The following MBD2 variants were observed in gnomAD, a reference collection of about 807,000 sequenced individuals.
MBD2 encodes methyl-CpG binding domain protein 2, also known as methyl-CpG-binding domain protein 2.
MBD2 carries 9 observed loss-of-function variants against 39.3 expected under a neutral mutation model. The ratio of observed to expected loss-of-function variants is 0.23; its 90% CI spans 0.14 to 0.40. The LOEUF is 0.40. MBD2 is among the 10% of genes least tolerant of loss of function. MBD2 has a pLI of 1.00. For synonymous variants in MBD2, 233 were observed against 211.1 expected, an observed-to-expected ratio of 1.10 and a Z score of -0.90; for missense variants, 458 against 532.6, an observed-to-expected ratio of 0.86 and a Z score of 1.38.
intron 1 of MBD2, among the ~76,000 whole-genome samples, chr18:54,205,977 C>T (rs762534719): frequency 1.3e-5 from 2 of 152,024 alleles, no homozygotes; most frequent in African/African-American, 4.8e-5. Flanking sequence ...CACACACACA[C>T]ACACACAAAT....
chr18:54,224,600 C>A lies in MBD2; in HGVS notation c.-41G>T. 8.2e-7 allele frequency: 1 copy of A among 1,217,622 alleles called. No homozygotes were observed. The highest frequency in any genetic ancestry group is 4.2e-5 in the South Asian group (1 of 24,090). The allele number at this position is 1,217,622 out of a possible 1,614,324, so 75.4% of individuals were successfully genotyped here. A position where few individuals can be genotyped will look rare whatever the true frequency, so the allele number is the denominator to read the frequency against. ...GCCGGCGCTGCGCTTCTTCCGTAAC[C>A]GAGCCCTTGGAATCCCGGAGACCCG... On this transcript the variant is annotated 5_prime_UTR_variant, in exon 1 of 7. Coordinates refer to ENST00000256429, the MANE Select transcript of MBD2 (RefSeq NM_003927.5).
chr18:54,158,927 C>T (rs1307871504), intron 6 of MBD2, among the ~76,000 whole-genome samples: 1 of 152,150 alleles, frequency 6.6e-6, no homozygotes, highest in African/African-American at 2.4e-5. Flanking sequence ...CAAACCCAGC[C>T]TAAAAATGTG....
rs995825305 is a variant in MBD2, at chr18:54,154,368, C to T, written c.*956G>A. 2.6e-5 allele frequency: 4 copies of T among 152,146 alleles called. No individual in the cohort carries two copies. The highest frequency in any genetic ancestry group is 9.7e-5 in the African/African-American group (4 of 41,418). 9.4% of individuals were successfully genotyped at this position (152,146 alleles called of 1,614,324 possible). A position where few individuals can be genotyped will look rare whatever the true frequency, so the allele number is the denominator to read the frequency against. ...AATGGTTTGTAAAGTATTACAAACC[C>T]TTTCATTAAGCAACTCTGTCTAGAA... is the stretch of plus-strand genomic sequence containing the variant. On this transcript the variant is annotated 3_prime_UTR_variant, in exon 7 of 7. Coordinates refer to ENST00000256429, the MANE Select transcript of MBD2 (RefSeq NM_003927.5).
intron 2 of MBD2, among the ~76,000 whole-genome samples, chr18:54,189,684 CTG>C (rs1416748254): frequency 6.6e-6 from 1 of 152,130 alleles, no homozygotes; most frequent in African/African-American, 2.4e-5. Flanking sequence ...GGGTCTCACT[CTG>C]TTGCCCAGAC....
In MBD2 at chr18:54,213,185, G is replaced by C. The variant is rs150046736; in HGVS notation, c.543-8028C>G. Among the ~76,000 whole-genome samples, 766 of 152,114 alleles carry C rather than the reference G, an allele frequency of 5.0e-3. 8 individuals carry two copies. Among genetic ancestry groups the C allele is most frequent in the African/African-American group, 0.017 (698 of 41,484 alleles). On this transcript the variant is annotated intron_variant, in intron 1 of 6. Transcript: ENST00000256429. ...CTATTTCACGGATCCCTAAGCCCTAGCCCTGGCCACTGACCGTGGCCCGTT... is the reference window on the plus strand; with the variant it reads ...CTATTTCACGGATCCCTAAGCCCTACCCCTGGCCACTGACCGTGGCCCGTT...
intron 5 of MBD2, 65 bp from the exon 6 acceptor site, chr18:54,159,968 C>G: frequency 6.5e-7 from 1 of 1,536,744 alleles, no homozygotes. Context: ...GAATCTGCTA[C>G]AGAAGTTCAT....
intron 2 of MBD2, among the ~76,000 whole-genome samples, chr18:54,192,077 G>A (rs1191692034): frequency 6.6e-6 from 1 of 152,048 alleles, no homozygotes; most frequent in Admixed American, 6.6e-5. Flanking sequence ...ATGACATCTC[G>A]ACCATTTGGA....
At position 54,224,618 on chromosome 18, in the gene MBD2, G is replaced by A. The variant is rs2086647671; in HGVS notation, c.-59C>T. The A allele has an allele frequency of 8.5e-7, 1 of 1,178,044 alleles. No homozygotes were observed. The highest frequency in any genetic ancestry group is 1.6e-5 in the African/African-American group (1 of 63,444). The allele number at this position is 1,178,044 out of a possible 1,614,324, so 73.0% of individuals were successfully genotyped here. A position where few individuals can be genotyped will look rare whatever the true frequency, so the allele number is the denominator to read the frequency against. ...CCGTAACCGAGCCCTTGGAATCCCG[G>A]AGACCCGCCCCGCCCGCAGCGCGGC... On this transcript the variant is annotated 5_prime_UTR_variant, in exon 1 of 7. Transcript: ENST00000256429.
chr18:54,205,179 TG>T, intron 1 of MBD2, 22 bp from the exon 2 acceptor site: 1 of 1,607,696 alleles, frequency 6.2e-7, no homozygotes. Flanking sequence ...TAAGGTTAAT[TG>T]AACAAAAGGC....
At chr18:54,166,442 T>C (rs2086133272) in intron 3 of MBD2, among the ~76,000 whole-genome samples, 1 of 152,228 alleles carries the variant, frequency 6.6e-6, no homozygotes, top group South Asian at 2.1e-4. Flanking sequence ...GTATAGTTTC[T>C]TATAAGGTAT....
intron 6 of MBD2, among the ~76,000 whole-genome samples, chr18:54,157,097 C>T (rs1348521026): frequency 6.6e-6 from 1 of 152,116 alleles, no homozygotes; most frequent in Admixed American, 6.5e-5. Context: ...AAACACACTT[C>T]AGACTTCCCT....
At chr18:54,156,203 T>C (rs1224564990) in intron 6 of MBD2, among the ~76,000 whole-genome samples, 1 of 152,132 alleles carries the variant, frequency 6.6e-6, no homozygotes, top group African/African-American at 2.4e-5. Context: ...TAGGTATATA[T>C]GGGGTTATTT....
intron 6 of MBD2, among the ~76,000 whole-genome samples, chr18:54,157,827 G>C (rs184380494): frequency 6.6e-6 from 1 of 152,002 alleles, no homozygotes; most frequent in Non-Finnish European, 1.5e-5. Context: ...AGGCATCCTC[G>C]CCACTCTCTC....
intron 2 of MBD2, among the ~76,000 whole-genome samples, chr18:54,193,055 T>C (rs1198732676): frequency 6.6e-6 from 1 of 152,222 alleles, no homozygotes; most frequent in Non-Finnish European, 1.5e-5. Flanking sequence ...CAGTATCACA[T>C]GAAGCTGAGC....
Position 54,224,305 on chromosome 18 carries a change from T to TCCCCGGCCACGG in MBD2, c.243_254dup (p.Gly93_Arg96dup), listed in dbSNP as rs2086643209. 1.1e-6 allele frequency: 1 copy of TCCCCGGCCACGG among 932,522 alleles called. No homozygotes were observed. The highest frequency in any genetic ancestry group is 1.9e-5 in the African/African-American group (1 of 52,138). The allele number at this position is 932,522 out of a possible 1,614,324, so 57.8% of individuals were successfully genotyped here. A position where few individuals can be genotyped will look rare whatever the true frequency, so the allele number is the denominator to read the frequency against. On this transcript the variant is annotated inframe_insertion, in exon 1 of 7. Coordinates refer to ENST00000256429, the MANE Select transcript of MBD2 (RefSeq NM_003927.5). ...GGCCCCGGCCCCGGCCCCGTCCCCGTCCCCGGCCACGGCCCCGGCCCCGGC... is the reference window on the plus strand; with the variant it reads ...GGCCCCGGCCCCGGCCCCGTCCCCGTCCCCGGCCACGGCCCCGGCCACGGCCCCGGCCCCGGC...
intron 3 of MBD2, among the ~76,000 whole-genome samples, chr18:54,184,662 T>C (rs1009631967): frequency 2.6e-5 from 4 of 152,244 alleles, no homozygotes; most frequent in African/African-American, 9.6e-5. Flanking sequence ...TAAAATATTG[T>C]TAGAAAATAT....
intron 1 of MBD2, among the ~76,000 whole-genome samples, chr18:54,219,891 C>T (rs1415990817): frequency 1.3e-5 from 2 of 152,214 alleles, no homozygotes; most frequent in Non-Finnish European, 2.9e-5. Context: ...AGCTCCGCCT[C>T]CTGGGTTCAC....
chr18:54,210,809 A>T (rs1339003336), intron 1 of MBD2, among the ~76,000 whole-genome samples: 1 of 152,138 alleles, frequency 6.6e-6, no homozygotes, highest in Non-Finnish European at 1.5e-5. Context: ...CCACACTAAA[A>T]ATTCTGTAAG....
At chr18:54,214,171 A>T (rs1420983517) in intron 1 of MBD2, among the ~76,000 whole-genome samples, 1 of 150,416 alleles carries the variant, frequency 6.6e-6, no homozygotes, top group Non-Finnish European at 1.5e-5. Context: ...ATATATATAT[A>T]TTTTGTTTGT....
Sources: gnomAD v4.1 joint callset for allele counts (sites outside exome capture counted in the v4.1 genomes callset) on GRCh38, gnomAD v4.1.1 for gene constraint, MANE v1.5 for transcripts, NCBI Gene and HGNC (gene_info 2026-07-23, HGNC 2026-07-21) for gene names.